Variants in RPS6KA2 observed in about 807,000 individuals in gnomAD.
The protein encoded by RPS6KA2 is ribosomal protein S6 kinase A2.
Under a neutral mutation model 91.8 loss-of-function variants are expected in RPS6KA2, and 42 were observed. The observed-to-expected ratio is 0.46, with a 90% CI of 0.36 to 0.59. The LOEUF (loss-of-function observed/expected upper bound fraction) is 0.59, where lower values mean the gene tolerates loss of function less well. Among genes scored for constraint, RPS6KA2 ranks in the 20% least tolerant of loss-of-function variants. RPS6KA2 has a pLI of 0.00. For synonymous variants in RPS6KA2, 414 were observed against 393.6 expected (o/e 1.05, Z -0.61); for missense variants, 798 against 978.5 (o/e 0.82, Z 2.46).
Position 166,696,547 on chromosome 6 carries a change from C to T in RPS6KA2, c.124-157763G>A, listed in dbSNP as rs186259764. 1.0e-3 allele frequency among the ~76,000 whole-genome samples: 157 copies of T among 152,240 alleles called. 1 individual carries two copies. The highest frequency in any genetic ancestry group is 2.4e-3 in the African/African-American group (100 of 41,540). On this transcript the variant is annotated intron_variant, in intron 2 of 21. Transcript: ENST00000503859. ...AGTTCCTCCCCCATTTTTCCTTAAC[C>T]GAGCAAATGTTTATCAGCTGAAACG...
Position 166,448,608 on chromosome 6 carries a change from C to G in RPS6KA2, c.1332+116G>C. The G allele has an allele frequency of 1.5e-6, 2 of 1,316,296 alleles. No individual in the cohort carries two copies. The highest frequency in any genetic ancestry group is 2.1e-6 in the Non-Finnish European group (2 of 967,510). The allele number at this position is 1,316,296 out of a possible 1,614,324, so 81.5% of individuals were successfully genotyped here. ...CCCATGTGCTGTACATGCTCCCACA[C>G]GCTGCACTCACACAGGGCCCTGCTA... On this transcript the variant is annotated intron_variant, in intron 14 of 20. Transcript: ENST00000265678. The surrounding 1 kb of genome is among the most constrained non-coding windows in gnomAD (Gnocchi z 4.7).
Position 166,411,668 on chromosome 6 carries a change from G to C in RPS6KA2, c.*1094C>G, listed in dbSNP as rs1354363640. On this transcript the variant is annotated 3_prime_UTR_variant, in exon 21 of 21. Coordinates refer to ENST00000265678, the MANE Select transcript of RPS6KA2 (RefSeq NM_021135.6). This position sits in a 1 kb window ranked among gnomAD's most constrained non-coding sequence, Gnocchi z 4.5. The stretch of plus-strand genomic sequence containing the variant: ...AACACAAAGCCACAGCATCTACAAA[G>C]TGCATCGCTCCTGTCCACGCTGATC... 1 of 152,970 alleles carries C rather than the reference G, an allele frequency of 6.5e-6. No individual in the cohort carries two copies. Among genetic ancestry groups the C allele is most frequent in the African/African-American group, 2.4e-5 (1 of 41,452 alleles). The allele number at this position is 152,970 out of a possible 1,614,324, so 9.5% of individuals were successfully genotyped here.
At chr6:166,529,225 G>A (rs1488761674) in intron 3 of RPS6KA2, among the ~76,000 whole-genome samples, 1 of 152,230 alleles carries the variant, frequency 6.6e-6, no homozygotes, top group East Asian at 1.9e-4. Flanking sequence ...TATACACCAT[G>A]GAATACTATG....
chr6:166,427,093 C>T (rs879713204), intron 16 of RPS6KA2, among the ~76,000 whole-genome samples: 5,064 of 82,398 alleles, frequency 0.061, no homozygotes, highest in Non-Finnish European at 0.065. Context: ...TATCAAAAAG[C>T]TTATCCACCA....
At chr6:166,839,112 G>A (rs1412411580) in intron 2 of RPS6KA2, among the ~76,000 whole-genome samples, 1 of 152,158 alleles carries the variant, frequency 6.6e-6, no homozygotes, top group Non-Finnish European at 1.5e-5. Context: ...ACCAGTGTGT[G>A]TTGTTTTACA....
intron 1 of RPS6KA2, among the ~76,000 whole-genome samples, chr6:166,571,536 C>A (rs28599916): frequency 0.025 from 3,861 of 152,322 alleles, 54 homozygotes; most frequent in Non-Finnish European, 0.038. Context: ...CACGCACATG[C>A]GCGTTCTAGC....
At chr6:166,556,705 G>T (rs1219129017) in intron 1 of RPS6KA2, among the ~76,000 whole-genome samples, 1 of 152,180 alleles carries the variant, frequency 6.6e-6, no homozygotes, top group African/African-American at 2.4e-5. Context: ...CAAAGAGAAT[G>T]TAATGTTACT....
intron 2 of RPS6KA2, among the ~76,000 whole-genome samples, chr6:166,844,728 A>AT (rs1417701660): frequency 6.6e-6 from 1 of 152,226 alleles, no homozygotes; most frequent in Non-Finnish European, 1.5e-5. Flanking sequence ...TGTTAAGAGA[A>AT]TTTGCCACTA....
chr6:166,757,530 T>G (rs760858039), intron 2 of RPS6KA2: 1 of 456,242 alleles, frequency 2.2e-6, no homozygotes, highest in South Asian at 1.5e-5. Context: ...CCCTTACCTT[T>G]CTGAGGAACA....
At chr6:166,830,308 CAGAA>C (rs1192280797) in intron 2 of RPS6KA2, among the ~76,000 whole-genome samples, 1 of 152,076 alleles carries the variant, frequency 6.6e-6, no homozygotes, top group East Asian at 1.9e-4. Flanking sequence ...ATTATAGAGA[CAGAA>C]AGTAGAACAG....
chr6:166,667,853 C>T (rs1247959839), intron 2 of RPS6KA2, among the ~76,000 whole-genome samples: 2 of 152,152 alleles, frequency 1.3e-5, no homozygotes, highest in African/African-American at 2.4e-5. Flanking sequence ...CATAAGGAAC[C>T]TTTCAAGCCA....
intron 3 of RPS6KA2, among the ~76,000 whole-genome samples, chr6:166,521,272 A>C (rs1782845705): frequency 6.6e-6 from 1 of 152,226 alleles, no homozygotes; most frequent in South Asian, 2.1e-4. Flanking sequence ...TGGGTCACCC[A>C]AAGCTGTGGG....
At chr6:166,783,174 G>A (rs1583112446) in intron 2 of RPS6KA2, among the ~76,000 whole-genome samples, 1 of 151,076 alleles carries the variant, frequency 6.6e-6, no homozygotes, top group South Asian at 2.1e-4. Flanking sequence ...CTGCAGCCTC[G>A]ACCTCCTGGA....
At chr6:166,685,490 G>C (rs541164045) in intron 2 of RPS6KA2, among the ~76,000 whole-genome samples, 1 of 152,346 alleles carries the variant, frequency 6.6e-6, no homozygotes, top group Non-Finnish European at 1.5e-5. Context: ...CCAGACCTCT[G>C]ACTTTCTTTC....
intron 1 of RPS6KA2, among the ~76,000 whole-genome samples, chr6:166,568,352 G>A (rs746942826): frequency 5.9e-5 from 9 of 152,006 alleles, no homozygotes; most frequent in African/African-American, 1.2e-4. Context: ...GGTGACTCAC[G>A]CCTATTATCC....
chr6:166,702,052 A>T (rs1789537716), intron 2 of RPS6KA2: 4 of 1,142,610 alleles, frequency 3.5e-6, no homozygotes, highest in Non-Finnish European at 5.3e-6. Context: ...TCTCCAGAAT[A>T]GACTTACAAG....
At chr6:166,728,156 T>C (rs1278806840) in intron 2 of RPS6KA2, among the ~76,000 whole-genome samples, 2 of 152,196 alleles carry the variant, frequency 1.3e-5, no homozygotes, top group Non-Finnish European at 2.9e-5. Flanking sequence ...ACTTGAGCAG[T>C]GCAAATTTTG....
chr6:166,724,294 T>G (rs968824105), intron 2 of RPS6KA2, among the ~76,000 whole-genome samples: 2 of 152,230 alleles, frequency 1.3e-5, no homozygotes, highest in South Asian at 4.1e-4. Context: ...TTTTGCTTCA[T>G]AAATTTTGAC....
chr6:166,680,933 C>T (rs1004383357), intron 2 of RPS6KA2, among the ~76,000 whole-genome samples: 1 of 152,218 alleles, frequency 6.6e-6, no homozygotes, highest in Admixed American at 6.5e-5. Context: ...TGCCCCTCTC[C>T]TCCCATTTTT....
Sources: gnomAD v4.1 joint callset for allele counts (sites outside exome capture counted in the v4.1 genomes callset) on GRCh38, gnomAD v4.1.1 for gene constraint, Gnocchi (gnomAD v3.1) non-coding constraint, MANE v1.5 for transcripts, NCBI Gene and HGNC (gene_info 2026-07-23, HGNC 2026-07-21) for gene names.